Variants in CCDC33 observed in about 807,000 individuals in gnomAD.
CCDC33 encodes coiled-coil domain containing 33, also known as coiled-coil domain-containing protein 33.
Under a neutral mutation model 91.9 loss-of-function variants are expected in CCDC33, and 94 were observed. The ratio of observed to expected loss-of-function variants is 1.02; its 90% CI spans 0.87 to 1.21. The LOEUF is 1.21. Ranked by LOEUF, CCDC33 falls within the 50% of genes most tolerant of loss-of-function variation. CCDC33 has a pLI of 0.00. For missense variants in CCDC33, 940 were observed against 935.5 expected, an observed-to-expected ratio of 1.00 and a Z score of -0.06; for synonymous variants, 396 against 374.5, an observed-to-expected ratio of 1.06 and a Z score of -0.66.
At chr15:74,269,294 T>C (rs538053894) in intron 5 of CCDC33, among the ~76,000 whole-genome samples, 32 of 151,788 alleles carry the variant, frequency 2.1e-4, no homozygotes, top group African/African-American at 7.8e-4. Context: ...GGCTGATCTG[T>C]TCCTATCCTT....
chr15:74,317,889 T>TTC (rs1469456242), intron 11 of CCDC33, among the ~76,000 whole-genome samples: 2 of 28,314 alleles, frequency 7.1e-5, no homozygotes, highest in South Asian at 1.1e-3. Flanking sequence ...TTGGGTTTGT[T>TTC]TTTTTTTTTT....
intron 7 of CCDC33, among the ~76,000 whole-genome samples, chr15:74,275,701 TC>T (rs1418576044): frequency 6.6e-6 from 1 of 151,700 alleles, no homozygotes; most frequent in Non-Finnish European, 1.5e-5. Context: ...CGACCAAGTC[TC>T]TGTCCCCCAG....
intron 11 of CCDC33, 124 bp downstream of exon 11, chr15:74,296,072 C>A: frequency 2.6e-6 from 2 of 779,302 alleles, no homozygotes; most frequent in Non-Finnish European, 4.0e-6. Flanking sequence ...TCCCCTTAGG[C>A]ACACTCTGCA....
intron 11 of CCDC33, chr15:74,312,054 G>T (rs1177146065): frequency 6.6e-6 from 1 of 152,242 alleles, no homozygotes; most frequent in Non-Finnish European, 1.5e-5. Context: ...CCTTGCTCAC[G>T]TAATCTTCAC....
In CCDC33 at chr15:74,335,839, G is replaced by A. The variant is rs529442298; in HGVS notation, c.2140-86G>A. ...GCCCACTGGATTCTGGATACTCTGAGGCCTGGTTTGTCAGGCAATATGCCC... is the reference window on the plus strand; with the variant it reads ...GCCCACTGGATTCTGGATACTCTGAAGCCTGGTTTGTCAGGCAATATGCCC... On this transcript the variant is annotated intron_variant, in intron 18 of 18. Coordinates refer to ENST00000398814, the MANE Select transcript of CCDC33 (RefSeq NM_025055.5). 9 of 1,019,584 alleles carry A rather than the reference G, an allele frequency of 8.8e-6. No individual in the cohort carries two copies. In the Admixed American group the frequency reaches 1.5e-4, roughly 17 times the overall value. 63.2% of individuals were successfully genotyped at this position (1,019,584 alleles called of 1,614,324 possible).
intron 13 of CCDC33, 21 bp from the exon 14 acceptor site, chr15:74,330,960 C>T (rs373141725): frequency 8.9e-6 from 14 of 1,566,902 alleles, no homozygotes; most frequent in Non-Finnish European, 1.2e-5. Context: ...CTCTCCCCTT[C>T]TCTCCTCCCC....
rs538956821 is a variant in CCDC33 at position 74,244,865 on chromosome 15, G to A, written c.185+717G>A. 6.6e-6 allele frequency among the ~76,000 whole-genome samples: 1 copy of A among 152,320 alleles called. No individual in the cohort carries two copies. Among genetic ancestry groups the A allele is most frequent in the East Asian group, 1.9e-4 (1 of 5,194 alleles). ...CCCTCCAAGGAGCATGTCACCCCTA[G>A]ACCTTCTATAGACAGACGGCGGGAG... On this transcript the variant is annotated intron_variant, in intron 2 of 18. Transcript: ENST00000398814. This position sits in a 1 kb window ranked among gnomAD's most constrained non-coding sequence, Gnocchi z 4.2.
chr15:74,333,846 C>T, intron 16 of CCDC33, 35 bp from the exon 17 acceptor site: 1 of 1,573,682 alleles, frequency 6.4e-7, no homozygotes, highest in Non-Finnish European at 8.7e-7. Context: ...CAGCCTCCAG[C>T]TGGGGCCAAA....
Position 74,293,041 on chromosome 15 carries a change from C to T in CCDC33, c.1096-2713C>T, listed in dbSNP as rs560301710. Reference sequence around the variant, plus strand: ...GAGTGCCCAGCTCTGACCAGGGGCTCAGTAAATGTCAGCTCTGGGTTATTG... The same window carrying T: ...GAGTGCCCAGCTCTGACCAGGGGCTTAGTAAATGTCAGCTCTGGGTTATTG... On this transcript the variant is annotated intron_variant, in intron 10 of 18. Transcript: ENST00000398814. Among the ~76,000 whole-genome samples the T allele has an allele frequency of 2.0e-5, 3 of 152,266 alleles. No homozygotes were observed. The South Asian group carries it at 6.2e-4, about 32-fold the overall frequency.
intron 2 of CCDC33, among the ~76,000 whole-genome samples, chr15:74,252,868 AAT>A (rs530546395): frequency 1.6e-3 from 237 of 152,216 alleles, no homozygotes; most frequent in African/African-American, 5.6e-3. Flanking sequence ...AGAACCTCAG[AAT>A]TTTTGTTCAG....
upstream of CCDC33, chr15:74,212,615 A>AG (rs2074378538): frequency 6.6e-6 from 1 of 152,248 alleles, no homozygotes; most frequent in African/African-American, 2.4e-5. Flanking sequence ...CCTCGGTGGA[A>AG]GGAAGAGACG....
intron 3 of CCDC33, among the ~76,000 whole-genome samples, chr15:74,265,744 C>G (rs1162017590): frequency 6.6e-6 from 1 of 152,252 alleles, no homozygotes; most frequent in Non-Finnish European, 1.5e-5. Flanking sequence ...TTTTTACCGG[C>G]CGGGTGCGGT....
At chr15:74,243,231 C>A (rs187498030) in intron 1 of CCDC33, among the ~76,000 whole-genome samples, 2 of 152,364 alleles carry the variant, frequency 1.3e-5, no homozygotes, top group South Asian at 2.1e-4. Flanking sequence ...ACGTAATGCA[C>A]TGAATGCCCC....
chr15:74,334,852 A>C, intron 17 of CCDC33, 123 bp from the exon 18 acceptor site: 2 of 838,682 alleles, frequency 2.4e-6, no homozygotes, highest in Non-Finnish European at 2.0e-6. Flanking sequence ...GAAGGTGTCA[A>C]GCCCACATGG....
chr15:74,307,755 C>T (rs2059916791), intron 11 of CCDC33, among the ~76,000 whole-genome samples: 1 of 151,778 alleles, frequency 6.6e-6, no homozygotes, highest in Non-Finnish European at 1.5e-5. Context: ...AAATATAAAT[C>T]AAGCAGAAGC....
At chr15:74,262,784 T>A (rs2076062362) in intron 3 of CCDC33, among the ~76,000 whole-genome samples, 1 of 152,196 alleles carries the variant, frequency 6.6e-6, no homozygotes, top group South Asian at 2.1e-4. Flanking sequence ...CATAAATGAA[T>A]TTTCCAGACA....
At chr15:74,320,743 G>A (rs2060190153) in intron 11 of CCDC33, among the ~76,000 whole-genome samples, 1 of 152,190 alleles carries the variant, frequency 6.6e-6, no homozygotes, top group African/African-American at 2.4e-5. Flanking sequence ...CCTGCCCTCT[G>A]TGTCTCAGGA....
At chr15:74,275,468 G>A (rs145398809) in intron 7 of CCDC33, among the ~76,000 whole-genome samples, 54 of 152,270 alleles carry the variant, frequency 3.5e-4, no homozygotes, top group African/African-American at 1.2e-3. Flanking sequence ...AACTTGGATC[G>A]GCTTAAATAC....
chr15:74,331,439 G>A, intron 15 of CCDC33, 143 bp downstream of exon 15: 1 of 800,444 alleles, frequency 1.2e-6, no homozygotes, highest in Non-Finnish European at 2.0e-6. Flanking sequence ...GGGAGACCCA[G>A]GATTGCCCTG....
Sources: allele counts gnomAD v4.1 joint callset (sites outside exome capture counted in the v4.1 genomes callset), GRCh38; gene constraint gnomAD v4.1.1; non-coding constraint Gnocchi (gnomAD v3.1); transcripts MANE v1.5; gene names NCBI Gene and HGNC (gene_info 2026-07-23, HGNC 2026-07-21).